The following RCOR1 variants were observed in gnomAD, a reference collection of about 807,000 sequenced individuals.
The protein encoded by RCOR1 is REST corepressor 1.
In RCOR1, 12 loss-of-function variants were observed where a neutral mutation model predicts 64.0. The observed-to-expected ratio is 0.19, with a 90% confidence interval of 0.12 to 0.30. The LOEUF is 0.30. Among genes scored for constraint, RCOR1 ranks in the 10% least tolerant of loss-of-function variants. The pLI is 1.00. For missense variants in RCOR1, 502 were observed against 621.2 expected, an observed-to-expected ratio of 0.81 and a Z score of 2.04; for synonymous variants, 279 against 227.2, an observed-to-expected ratio of 1.23 and a Z score of -2.05.
In RCOR1 at chr14:102,681,750, C is replaced by G. The variant is rs1398222472; in HGVS notation, c.362-145C>G. 2.3e-5 allele frequency: 13 copies of G among 568,838 alleles called. No individual in the cohort carries two copies. The East Asian group carries it at 3.7e-4, about 16-fold the overall frequency. 35.2% of individuals were successfully genotyped at this position (568,838 alleles called of 1,614,324 possible). The stretch of plus-strand genomic sequence containing the variant: ...CAGCAGACTCTCGCCTCCCCCATCT[C>G]CATCCTCACTCTGATGTTAAGTGTG... On this transcript the variant is annotated intron_variant, in intron 2 of 11. Coordinates refer to ENST00000262241, the MANE Select transcript of RCOR1 (RefSeq NM_015156.4).
chr14:102,685,325 A>G (rs1379629848), intron 3 of RCOR1, among the ~76,000 whole-genome samples: 1 of 152,010 alleles, frequency 6.6e-6, no homozygotes, highest in Non-Finnish European at 1.5e-5. Context: ...TTTTACTGTA[A>G]CTAGTATGGA....
Position 102,623,784 on chromosome 14 carries a change from C to T in RCOR1, c.361+30459C>T, listed in dbSNP as rs141318738. Among the ~76,000 whole-genome samples, 1,430 of 150,846 alleles carry T rather than the reference C, an allele frequency of 9.5e-3. 24 individuals are homozygous for T. The highest frequency in any genetic ancestry group is 0.033 in the African/African-American group (1,353 of 41,184). ...AAGAATCCTAAAGGGAAGCTGGGTG[C>T]GGTGGCTCACGCCTGTAATCCCAGC... On this transcript the variant is annotated intron_variant, in intron 2 of 11. Transcript: ENST00000262241.
intron 7 of RCOR1, 135 bp downstream of exon 7, chr14:102,711,148 C>G: frequency 1.6e-6 from 1 of 613,238 alleles, no homozygotes; most frequent in Middle Eastern, 2.7e-4. Flanking sequence ...TATTTTTCAA[C>G]AATACTGTCT....
chr14:102,597,953 G>C (rs1482480492), intron 2 of RCOR1, among the ~76,000 whole-genome samples: 1 of 152,062 alleles, frequency 6.6e-6, no homozygotes, highest in Non-Finnish European at 1.5e-5. Context: ...CTCCCGAGTA[G>C]CCGGGATTAC....
intron 2 of RCOR1, among the ~76,000 whole-genome samples, chr14:102,597,628 CTTTTTTTTTTTTTT>C (rs57656879): frequency 2.7e-4 from 12 of 44,954 alleles, no homozygotes; most frequent in Admixed American, 3.8e-4. Context: ...TGCGCCCGAC[CTTTTTTTTTTTTTT>C]TTTTTTTTTT....
At chr14:102,677,233 A>G (rs1480278233) in intron 2 of RCOR1, among the ~76,000 whole-genome samples, 2 of 101,478 alleles carry the variant, frequency 2.0e-5, no homozygotes, top group Non-Finnish European at 1.9e-5. Context: ...CCCCTCCCGG[A>G]CGGGGTGGCT....
Position 102,674,168 on chromosome 14 carries a change from A to G in RCOR1, c.362-7727A>G, listed in dbSNP as rs116718162. On this transcript the variant is annotated intron_variant, in intron 2 of 11. Coordinates refer to ENST00000262241, the MANE Select transcript of RCOR1 (RefSeq NM_015156.4). The stretch of plus-strand genomic sequence containing the variant: ...TAGGGCCTTAGTCTCAACTTCTGGA[A>G]AAATCTCAATTTCTGCTCTTATGAC... 2.6e-3 allele frequency among the ~76,000 whole-genome samples: 396 copies of G among 152,342 alleles called. 2 individuals carry two copies. Among genetic ancestry groups the G allele is most frequent in the African/African-American group, 8.7e-3 (363 of 41,574 alleles).
At chr14:102,715,863 C>G (rs549124123) in intron 8 of RCOR1, among the ~76,000 whole-genome samples, 3 of 152,302 alleles carry the variant, frequency 2.0e-5, no homozygotes, top group South Asian at 4.1e-4. Flanking sequence ...CGTTTCCCAG[C>G]TGTAGCACTA....
At chr14:102,713,190 G>A (rs1895996630) in intron 7 of RCOR1, among the ~76,000 whole-genome samples, 2 of 151,078 alleles carry the variant, frequency 1.3e-5, no homozygotes, top group African/African-American at 4.9e-5. Flanking sequence ...CTGACCTCAA[G>A]TGATCCACCC....
At chr14:102,620,318 A>G (rs945667264) in intron 2 of RCOR1, among the ~76,000 whole-genome samples, 3 of 152,210 alleles carry the variant, frequency 2.0e-5, no homozygotes, top group African/African-American at 7.2e-5. Context: ...CTGTAATCCC[A>G]GCACTTTGGG....
At chr14:102,664,567 A>AG (rs1317198633) in intron 2 of RCOR1, among the ~76,000 whole-genome samples, 1 of 152,170 alleles carries the variant, frequency 6.6e-6, no homozygotes, top group Non-Finnish European at 1.5e-5. Context: ...GAAGAGAGGG[A>AG]GTGGGTGGCA....
At chr14:102,623,387 A>ATTATTTATTTATTTAT (rs376556197) in intron 2 of RCOR1, among the ~76,000 whole-genome samples, 23 of 124,816 alleles carry the variant, frequency 1.8e-4, no homozygotes, top group African/African-American at 6.1e-4. Flanking sequence ...TTATTTATTT[A>ATTATTTATTTATTTAT]TTATTTATTT....
At chr14:102,653,832 G>A (rs1894644405) in intron 2 of RCOR1, among the ~76,000 whole-genome samples, 1 of 151,830 alleles carries the variant, frequency 6.6e-6, no homozygotes, top group Admixed American at 6.6e-5. Context: ...GCAGATGCCA[G>A]CATCATGCTT....
chr14:102,613,944 G>T (rs1893692325), intron 2 of RCOR1, among the ~76,000 whole-genome samples: 1 of 134,130 alleles, frequency 7.5e-6, no homozygotes, highest in Non-Finnish European at 1.5e-5. Flanking sequence ...CCAGGCTGGA[G>T]TGCAGTGGTG....
chr14:102,701,756 G>C (rs1895761980), intron 4 of RCOR1, among the ~76,000 whole-genome samples: 1 of 152,186 alleles, frequency 6.6e-6, no homozygotes, highest in Non-Finnish European at 1.5e-5. Context: ...GTCTCGCTCT[G>C]GTGACCAGGC....
At chr14:102,632,740 C>T (rs1239574723) in intron 2 of RCOR1, among the ~76,000 whole-genome samples, 1 of 4,900 alleles carries the variant, frequency 2.0e-4, no homozygotes, top group East Asian at 5.9e-3. Context: ...CTCCCCTCCC[C>T]TCCCCTCCCC....
intron 2 of RCOR1, among the ~76,000 whole-genome samples, chr14:102,611,161 C>T (rs1014244834): frequency 1.3e-5 from 2 of 151,950 alleles, no homozygotes; most frequent in African/African-American, 4.8e-5. Flanking sequence ...CCTCCGCCCC[C>T]ACACCATTCA....
Position 102,592,806 on chromosome 14 carries a change from C to CTCCCCCGTCTCG in RCOR1, c.-81_-80insTCCCCCGTCTCG. The stretch of plus-strand genomic sequence containing the variant: ...CGCCCGCCCGGCCCCGCGCCGGCCC[C>CTCCCCCGTCTCG]GCGCCCCCTCCCCCGTCTCGGCGCC... On this transcript the variant is annotated 5_prime_UTR_variant, in exon 1 of 12. Transcript: ENST00000262241. The CTCCCCCGTCTCG allele has an allele frequency of 8.5e-7, 1 of 1,177,780 alleles. No individual in the cohort carries two copies. Among genetic ancestry groups the CTCCCCCGTCTCG allele is most frequent in the African/African-American group, 1.6e-5 (1 of 61,770 alleles). The allele number at this position is 1,177,780 out of a possible 1,614,324, so 73.0% of individuals were successfully genotyped here.
chr14:102,721,311 G>A lies in RCOR1; in HGVS notation c.1132-9G>A, dbSNP rs1169882689. ...GTAATGTGCTAAAATGACTCATTTG[G>A]ATATCCAGGTCATTCAGAAATGTAA... is the stretch of plus-strand genomic sequence containing the variant. On this transcript the variant is annotated splice_polypyrimidine_tract_variant and intron_variant, in intron 9 of 11. Transcript: ENST00000262241. The A allele has an allele frequency of 4.3e-6, 7 of 1,611,084 alleles. No individual in the cohort carries two copies. Among genetic ancestry groups the A allele is most frequent in the Non-Finnish European group, 5.9e-6 (7 of 1,177,564 alleles).
Sources: allele counts gnomAD v4.1 joint callset (sites outside exome capture counted in the v4.1 genomes callset), GRCh38; gene constraint gnomAD v4.1.1; transcripts MANE v1.5; gene names NCBI Gene and HGNC (gene_info 2026-07-23, HGNC 2026-07-21).